ITGBL1: variants seen among roughly 807,000 people sequenced by gnomAD.
The protein encoded by ITGBL1 is integrin beta-like protein 1.
Under a neutral mutation model 68.5 loss-of-function variants are expected in ITGBL1, and 51 were observed. The observed-to-expected ratio is 0.74, with a 90% CI of 0.59 to 0.94. The LOEUF (loss-of-function observed/expected upper bound fraction) is 0.94, where lower values mean the gene tolerates loss of function less well. ITGBL1 is among the 40% of genes least tolerant of loss of function. ITGBL1 has a pLI of 0.00. For missense variants in ITGBL1, 649 were observed against 647.4 expected (o/e 1.00, Z -0.03); for synonymous variants, 209 against 227.3 (o/e 0.92, Z 0.72).
chr13:101,501,875 G>A (rs748668672), intron 2 of ITGBL1, among the ~76,000 whole-genome samples: 15 of 152,178 alleles, frequency 9.9e-5, no homozygotes, highest in Non-Finnish European at 1.8e-4. Flanking sequence ...GCTTCCTGAA[G>A]TGGCTCATGG....
intron 2 of ITGBL1, among the ~76,000 whole-genome samples, chr13:101,495,461 C>T (rs1330289828): frequency 2.0e-5 from 3 of 152,146 alleles, no homozygotes; most frequent in African/African-American, 7.2e-5. Flanking sequence ...TGCTTGTTCT[C>T]ATCTCATCCC....
intron 7 of ITGBL1, among the ~76,000 whole-genome samples, chr13:101,675,274 A>T (rs2033473897): frequency 1.3e-5 from 2 of 148,218 alleles, no homozygotes; most frequent in Admixed American, 1.3e-4. Flanking sequence ...GTCTCTGTGG[A>T]TTTCTTTTTA....
At position 101,492,320 on chromosome 13, in the gene ITGBL1, AT is replaced by A. The variant is rs1238385597; in HGVS notation, c.316+38223del. On this transcript the variant is annotated intron_variant, in intron 2 of 10. Transcript: ENST00000376180. ...AGGCGTTAAGTCAATATATGACTGTATTTGTGGTCCTGCTCAGCAGTTATTC... is the reference window on the plus strand; with the variant it reads ...AGGCGTTAAGTCAATATATGACTGTATTGTGGTCCTGCTCAGCAGTTATTC... Among the ~76,000 whole-genome samples the A allele has an allele frequency of 2.6e-5, 4 of 152,288 alleles. No homozygotes were observed. The East Asian group carries it at 5.8e-4, about 22-fold the overall frequency.
At position 101,575,491 on chromosome 13, in the gene ITGBL1, T is replaced by C. The variant is rs1189097197; in HGVS notation, c.531T>C (p.Phe177=). 6.2e-7 allele frequency: 1 copy of C among 1,612,898 alleles called. No homozygotes were observed. Among genetic ancestry groups the C allele is most frequent in the Non-Finnish European group, 8.5e-7 (1 of 1,179,074 alleles). The stretch of plus-strand genomic sequence containing the variant: ...GAAGTGGACTTGTGTATGGTAAATT[T>C]TGTGAGTGTGACGATAGAGAATGCA... ...SDGSGLVYGK[F]CECDDRECID... The change falls in exon 4 of 11, where the codon TTT becomes TTC. Residue 177 remains phenylalanine, a synonymous_variant. Coordinates refer to ENST00000376180, the MANE Select transcript of ITGBL1 (RefSeq NM_004791.3).
chr13:101,575,970 AGTTTACCT>A (rs1329189837), intron 4 of ITGBL1, among the ~76,000 whole-genome samples: 11 of 152,126 alleles, frequency 7.2e-5, no homozygotes, highest in African/African-American at 2.2e-4. Context: ...ATTAGCCTAG[AGTTTACCT>A]CCCCCTCTCT....
intron 2 of ITGBL1, among the ~76,000 whole-genome samples, chr13:101,547,204 C>G (rs2139202744): frequency 1.3e-5 from 2 of 151,444 alleles, no homozygotes; most frequent in East Asian, 3.9e-4. Flanking sequence ...CTAATTTTTT[C>G]TTGTTTGTTT....
At chr13:101,546,566 T>C (rs1027201913) in intron 2 of ITGBL1, among the ~76,000 whole-genome samples, 1 of 152,090 alleles carries the variant, frequency 6.6e-6, no homozygotes, top group South Asian at 2.1e-4. Flanking sequence ...TCCTGCAAAC[T>C]TAATTTTAAA....
intron 7 of ITGBL1, among the ~76,000 whole-genome samples, chr13:101,671,426 G>GTTTTTTGT (rs2033358005): frequency 8.0e-5 from 9 of 112,640 alleles, no homozygotes; most frequent in African/African-American, 2.8e-4. Context: ...GTATACCTTT[G>GTTTTTTGT]TTTTTTTTTT....
intron 2 of ITGBL1, among the ~76,000 whole-genome samples, chr13:101,460,663 T>C (rs139741685): frequency 1.6e-3 from 243 of 152,184 alleles, no homozygotes; most frequent in African/African-American, 5.6e-3. Context: ...AGGAAAGAGG[T>C]TTATTTGGCT....
At chr13:101,594,355 G>A (rs955209307) in intron 6 of ITGBL1, among the ~76,000 whole-genome samples, 6 of 152,126 alleles carry the variant, frequency 3.9e-5, no homozygotes, top group African/African-American at 1.4e-4. Flanking sequence ...TCGATAAATG[G>A]TGTTGGGACA....
intron 2 of ITGBL1, among the ~76,000 whole-genome samples, chr13:101,554,870 T>A (rs1267338433): frequency 6.6e-6 from 1 of 152,230 alleles, no homozygotes; most frequent in African/African-American, 2.4e-5. Flanking sequence ...TAGTCATTAA[T>A]TACATTCTCT....
At chr13:101,679,598 T>C (rs1181690610) in intron 7 of ITGBL1, among the ~76,000 whole-genome samples, 1 of 152,260 alleles carries the variant, frequency 6.6e-6, no homozygotes, top group African/African-American at 2.4e-5. Context: ...TCACTGACTT[T>C]TTAAACTTGG....
At chr13:101,641,187 CAT>C (rs1204821622) in intron 7 of ITGBL1, among the ~76,000 whole-genome samples, 2 of 152,036 alleles carry the variant, frequency 1.3e-5, no homozygotes, top group Non-Finnish European at 2.9e-5. Flanking sequence ...TCATGGCTGA[CAT>C]AGATTAGCAG....
chr13:101,457,687 C>T (rs2048263139), intron 2 of ITGBL1, among the ~76,000 whole-genome samples: 1 of 151,918 alleles, frequency 6.6e-6, no homozygotes, highest in Non-Finnish European at 1.5e-5. Flanking sequence ...TGATGGTGTG[C>T]GCCTTGTAGT....
intron 2 of ITGBL1, among the ~76,000 whole-genome samples, chr13:101,515,945 A>G (rs955464124): frequency 2.0e-5 from 3 of 152,152 alleles, no homozygotes; most frequent in Non-Finnish European, 4.4e-5. Flanking sequence ...GGATAGCAAC[A>G]TGGAAGGCCT....
In ITGBL1 at chr13:101,648,855, G is replaced by A. The variant is rs145583163; in HGVS notation, c.1016-43730G>A. Among the ~76,000 whole-genome samples the A allele has an allele frequency of 3.8e-3, 581 of 151,688 alleles. 4 individuals carry two copies. The highest frequency in any genetic ancestry group is 0.013 in the African/African-American group (558 of 41,358). ...GGGGGACAGAAGAGGAAATCTGGGG[G>A]TGTTAGTAATATTATTTTCTTTCAC... On this transcript the variant is annotated intron_variant, in intron 7 of 10. Transcript: ENST00000376180.
intron 2 of ITGBL1, among the ~76,000 whole-genome samples, chr13:101,530,636 C>T: frequency 6.6e-6 from 1 of 152,160 alleles, no homozygotes; most frequent in Non-Finnish European, 1.5e-5. Flanking sequence ...TTTTATTTTA[C>T]ATCCTGATAT....
chr13:101,583,283 T>G lies in ITGBL1; in HGVS notation c.795T>G (p.His265Gln). The change falls in exon 6 of 11, where the codon CAT (histidine) becomes CAG (glutamine). Residue 265 changes from histidine (H) to glutamine (Q), a missense_variant. His to Gln is a conservative substitution (Grantham distance 24, BLOSUM62 0). Transcript: ENST00000376180. ...CGACTGGGGACTGGGGAGATATTCATGGGGACACCTGTGAATGTGATGAGA... is the reference window on the plus strand; with the variant it reads ...CGACTGGGGACTGGGGAGATATTCAGGGGGACACCTGTGAATGTGATGAGA... ...VDPTGDWGDIHGDTCECDERD... is the reference protein window; with the variant it reads ...VDPTGDWGDIQGDTCECDERD... 6.2e-7 allele frequency: 1 copy of G among 1,613,016 alleles called. No individual in the cohort carries two copies. The highest frequency in any genetic ancestry group is 8.5e-7 in the Non-Finnish European group (1 of 1,179,144).
At chr13:101,607,306 A>G (rs1008456021) in intron 7 of ITGBL1, among the ~76,000 whole-genome samples, 13 of 152,076 alleles carry the variant, frequency 8.5e-5, no homozygotes, top group African/African-American at 3.1e-4. Context: ...AAAAAAATTA[A>G]TACATGTTCT....
Sources: allele counts gnomAD v4.1 joint callset (sites outside exome capture counted in the v4.1 genomes callset), GRCh38; gene constraint gnomAD v4.1.1; transcripts MANE v1.5; gene names NCBI Gene and HGNC (gene_info 2026-07-23, HGNC 2026-07-21).